CNTNAP2: variants seen among roughly 807,000 people sequenced by gnomAD.
CNTNAP2 encodes the protein contactin associated protein 2.
Under a neutral mutation model 155.2 loss-of-function variants are expected in CNTNAP2, and 98 were observed. That is an observed-to-expected ratio of 0.63 (90% CI 0.54 to 0.75). CNTNAP2 has a LOEUF of 0.75. CNTNAP2 is among the 30% of genes least tolerant of loss of function. CNTNAP2 has a pLI of 0.00. For missense variants in CNTNAP2, 1,727 were observed against 1,688.1 expected (o/e 1.02, Z -0.40); for synonymous variants, 651 against 631.2 (o/e 1.03, Z -0.47).
chr7:146,631,849 C>G (rs556372001), intron 1 of CNTNAP2, among the ~76,000 whole-genome samples: 4 of 152,124 alleles, frequency 2.6e-5, no homozygotes, highest in African/African-American at 4.8e-5. Flanking sequence ...TCAATACTCT[C>G]TTTTGTTGTT....
At chr7:148,187,439 C>T (rs191666813) in intron 18 of CNTNAP2, among the ~76,000 whole-genome samples, 530 of 152,272 alleles carry the variant, frequency 3.5e-3, no homozygotes, top group Non-Finnish European at 5.9e-3. Flanking sequence ...GAAATTCATG[C>T]TTTGAATTAC....
At chr7:147,551,583 A>G (rs1463886783) in intron 11 of CNTNAP2, among the ~76,000 whole-genome samples, 1 of 152,200 alleles carries the variant, frequency 6.6e-6, no homozygotes, top group African/African-American at 2.4e-5. Context: ...AAACAAGCCT[A>G]CATTTATATA....
chr7:146,534,718 AT>A (rs1028656932), intron 1 of CNTNAP2, among the ~76,000 whole-genome samples: 1 of 151,882 alleles, frequency 6.6e-6, no homozygotes, highest in African/African-American at 2.4e-5. Context: ...ACTTCCTACA[AT>A]TTAGACATTA....
rs749574666 is a variant in CNTNAP2 at position 148,383,647 on chromosome 7, A to C, written c.3476-2A>C. 6.2e-7 allele frequency: 1 copy of C among 1,614,076 alleles called. No homozygotes were observed. Among genetic ancestry groups the C allele is most frequent in the Admixed American group, 1.7e-5 (1 of 60,016 alleles). On this transcript the variant is annotated splice_acceptor_variant, in intron 21 of 23. Coordinates refer to ENST00000361727, the MANE Select transcript of CNTNAP2 (RefSeq NM_014141.6). LOFTEE classifies it high-confidence loss of function. ...ACATTTTCATTTCTTTTTTTCTTTT[A>C]GAAACAGGGAAAATTGACCAAGAGA...
At chr7:147,172,904 G>C (rs997789711) in intron 8 of CNTNAP2, among the ~76,000 whole-genome samples, 1 of 152,046 alleles carries the variant, frequency 6.6e-6, no homozygotes, top group Non-Finnish European at 1.5e-5. Flanking sequence ...GCTTCTTTAA[G>C]TGTTATCATT....
intron 17 of CNTNAP2, among the ~76,000 whole-genome samples, chr7:148,166,243 T>G (rs1273341246): frequency 1.3e-5 from 2 of 152,136 alleles, no homozygotes; most frequent in Non-Finnish European, 2.9e-5. Context: ...GAATATAAGC[T>G]CTACAAGAAC....
chr7:148,357,002 T>C (rs903571468), intron 21 of CNTNAP2, among the ~76,000 whole-genome samples: 2 of 152,178 alleles, frequency 1.3e-5, no homozygotes, highest in East Asian at 1.9e-4. Flanking sequence ...TGATATATAC[T>C]GTAGGAGACC....
intron 12 of CNTNAP2, among the ~76,000 whole-genome samples, chr7:147,571,244 A>G (rs941133753): frequency 6.8e-6 from 1 of 146,954 alleles, no homozygotes; most frequent in Non-Finnish European, 1.5e-5. Flanking sequence ...AGCATTAGGT[A>G]TATCTCCTAA....
At chr7:146,648,771 A>G (rs985256907) in intron 1 of CNTNAP2, among the ~76,000 whole-genome samples, 5 of 152,124 alleles carry the variant, frequency 3.3e-5, no homozygotes. Flanking sequence ...AGGCCCTTTG[A>G]TGCATTTAAT....
intron 13 of CNTNAP2, among the ~76,000 whole-genome samples, chr7:147,695,732 G>A (rs565074664): frequency 3.7e-4 from 56 of 152,248 alleles, no homozygotes; most frequent in Non-Finnish European, 6.3e-4. Flanking sequence ...AACCCGGGAG[G>A]CGAAGGTTGC....
chr7:146,575,472 G>T (rs1230997891), intron 1 of CNTNAP2, among the ~76,000 whole-genome samples: 2 of 152,130 alleles, frequency 1.3e-5, no homozygotes, highest in Non-Finnish European at 2.9e-5. Context: ...GTAATTAATT[G>T]TAATTATTGG....
At chr7:147,041,271 C>T (rs1041298046) in intron 3 of CNTNAP2, among the ~76,000 whole-genome samples, 1 of 151,876 alleles carries the variant, frequency 6.6e-6, no homozygotes. Context: ...CCTGAACACC[C>T]TTGGTTCATG....
chr7:147,694,672 A>G (rs188489332), intron 13 of CNTNAP2, among the ~76,000 whole-genome samples: 1 of 151,978 alleles, frequency 6.6e-6, no homozygotes, highest in Admixed American at 6.5e-5. Context: ...ATCTGTAGTG[A>G]TGGCACCTCT....
At chr7:147,939,417 C>T (rs1800675420) in intron 14 of CNTNAP2, among the ~76,000 whole-genome samples, 1 of 152,030 alleles carries the variant, frequency 6.6e-6, no homozygotes, top group African/African-American at 2.4e-5. Context: ...CAACCTCTGC[C>T]TCCCGGGTTC....
intron 1 of CNTNAP2, among the ~76,000 whole-genome samples, chr7:146,191,861 T>C (rs1798710807): frequency 6.6e-6 from 1 of 152,208 alleles, no homozygotes; most frequent in Admixed American, 6.5e-5. Context: ...TTTCATATTG[T>C]TTAAACACAC....
intron 9 of CNTNAP2, among the ~76,000 whole-genome samples, chr7:147,303,025 G>T (rs1270171133): frequency 6.6e-6 from 1 of 152,196 alleles, no homozygotes; most frequent in African/African-American, 2.4e-5. Context: ...CAGAGCTGGT[G>T]CCAGGTGACA....
intron 1 of CNTNAP2, among the ~76,000 whole-genome samples, chr7:146,312,782 G>A (rs1800847389): frequency 6.6e-6 from 1 of 152,188 alleles, no homozygotes; most frequent in Middle Eastern, 3.4e-3. Context: ...CCACTTTAGA[G>A]TCCATATATA....
At chr7:147,840,913 C>T (rs1393626379) in intron 13 of CNTNAP2, among the ~76,000 whole-genome samples, 1 of 151,890 alleles carries the variant, frequency 6.6e-6, no homozygotes, top group African/African-American at 2.4e-5. Flanking sequence ...AAAATCAAAC[C>T]CTTGAACTCA....
At chr7:147,253,910 A>T (rs1804261173) in intron 8 of CNTNAP2, among the ~76,000 whole-genome samples, 1 of 152,144 alleles carries the variant, frequency 6.6e-6, no homozygotes, top group Non-Finnish European at 1.5e-5. Flanking sequence ...CATCAGTCTT[A>T]TTCCTATTTT....
Sources: gnomAD v4.1 joint callset for allele counts (sites outside exome capture counted in the v4.1 genomes callset) on GRCh38, gnomAD v4.1.1 for gene constraint, MANE v1.5 for transcripts, NCBI Gene and HGNC (gene_info 2026-07-23, HGNC 2026-07-21) for gene names.